The following AFDN variants were observed in gnomAD, a reference collection of about 807,000 sequenced individuals.
AFDN encodes afadin.
AFDN carries 68 observed loss-of-function variants against 216.6 expected under a neutral mutation model. The ratio of observed to expected loss-of-function variants is 0.31; its 90% CI spans 0.26 to 0.38. AFDN has a LOEUF of 0.38. Ranked by LOEUF, AFDN falls within the 10% of genes least tolerant of loss-of-function variation. The pLI is 1.00. For synonymous variants in AFDN, 868 were observed against 853.7 expected (o/e 1.02, Z -0.29); for missense variants, 2,136 against 2,342.0 (o/e 0.91, Z 1.82).
chr6:167,969,653 A>G (rs1250758373), intron 33 of AFDN, 129 bp from the exon 34 acceptor site: 2 of 851,260 alleles, frequency 2.3e-6, no homozygotes, highest in Non-Finnish European at 3.5e-6. Context: ...TTCGATTATA[A>G]GAAAGGTTAT....
intron 23 of AFDN, among the ~76,000 whole-genome samples, chr6:167,928,484 TGAG>T (rs2128537630): frequency 6.6e-6 from 1 of 152,352 alleles, no homozygotes; most frequent in African/African-American, 2.4e-5. Flanking sequence ...GATGCCCAGA[TGAG>T]GAGAATCCTC....
intron 1 of AFDN, chr6:167,827,833 G>C (rs898827054): frequency 1.3e-5 from 2 of 152,218 alleles, no homozygotes; most frequent in Non-Finnish European, 2.9e-5. Context: ...CTTCGGGGCC[G>C]CGAGGAAGGG....
chr6:167,951,481 C>G lies in AFDN; in HGVS notation c.4127C>G (p.Pro1376Arg). Residue 1376 changes from proline to arginine, a missense_variant, in exon 30 of 34, where the codon CCG becomes CGG. By Grantham distance (103) the Pro-to-Arg change is moderately radical. Transcript: ENST00000683244. This position sits in a 1 kb window ranked among gnomAD's most constrained non-coding sequence, Gnocchi z 7.1. ...CGAACAGACCTGCCTCCGCCACCCC[C>G]GCCACCTCCAGTCCACTATGCCGGT... ...PIRTDLPPPP[P>R]PPPVHYAGDF... 1 of 1,614,102 alleles carries G rather than the reference C, an allele frequency of 6.2e-7. No individual in the cohort carries two copies. The highest frequency in any genetic ancestry group is 2.2e-5 in the East Asian group (1 of 44,870).
At chr6:167,913,300 T>C in intron 15 of AFDN, 103 bp from the exon 16 acceptor site, 2 of 1,105,332 alleles carry the variant, frequency 1.8e-6, no homozygotes, top group Non-Finnish European at 2.6e-6. Flanking sequence ...TACCTTCATG[T>C]CGTACCTTCA....
intron 31 of AFDN, chr6:167,965,175 T>G (rs1797416769): frequency 1.5e-6 from 1 of 675,532 alleles, no homozygotes; most frequent in Admixed American, 6.1e-5. Context: ...ATTTCTGGTT[T>G]CCTGTTAATC....
chr6:167,898,580 A>T (rs919716433), intron 11 of AFDN, 113 bp downstream of exon 11: 25 of 1,239,206 alleles, frequency 2.0e-5, no homozygotes, highest in African/African-American at 3.0e-5. Context: ...AAAAATATCA[A>T]AGTGAAGTTT....
At chr6:167,913,535 C>T in intron 16 of AFDN, 112 bp downstream of exon 16, 4 of 954,062 alleles carry the variant, frequency 4.2e-6, no homozygotes, top group Admixed American at 4.5e-5. Context: ...TCATAACACT[C>T]ATTCAGCAAC....
rs534404165 is a variant in AFDN, at chr6:167,895,322, A to T, written c.1222+1416A>T. The stretch of plus-strand genomic sequence containing the variant: ...GGTTAAAACACACAAAATAGTAAAC[A>T]TTACTGGAGGATTTGGACTCAGCAG... On this transcript the variant is annotated intron_variant, in intron 9 of 33. Coordinates refer to ENST00000683244, the MANE Select transcript of AFDN (RefSeq NM_001386888.1). Among the ~76,000 whole-genome samples the T allele has an allele frequency of 2.6e-5, 4 of 152,284 alleles. No individual in the cohort carries two copies. In the South Asian group the frequency reaches 6.2e-4, roughly 24 times the overall value.
intron 14 of AFDN, 33 bp from the exon 15 acceptor site, chr6:167,911,251 C>T (rs561322940): frequency 3.1e-6 from 5 of 1,602,768 alleles, no homozygotes; most frequent in Admixed American, 3.4e-5. Flanking sequence ...ATTCTTTTTT[C>T]CTTTTTTCTT....
chr6:167,856,631 A>G (rs927576588), intron 1 of AFDN, among the ~76,000 whole-genome samples: 2 of 152,108 alleles, frequency 1.3e-5, no homozygotes, highest in African/African-American at 2.4e-5. Flanking sequence ...TACTGATGAA[A>G]TATGTAGTTC....
At chr6:167,912,988 TATTA>T (rs1790596663) in intron 15 of AFDN, among the ~76,000 whole-genome samples, 1 of 152,212 alleles carries the variant, frequency 6.6e-6, no homozygotes, top group African/African-American at 2.4e-5. Flanking sequence ...CTTCCATTCC[TATTA>T]ATTAATCTAG....
chr6:167,962,466 T>G lies in AFDN; in HGVS notation c.4867T>G (p.Leu1623Val). ...CGAGGAGCGGAGGCGGCAGCAGCAG[T>G]TAGAAGAGATGCGCAAGCGGGAAGC... ...QDEERRRQQQ[L>V]EEMRKREAED... is the part of the protein sequence containing the mutation. Residue 1623 changes from leucine (L) to valine (V), a missense_variant, in exon 31 of 34, where the codon TTA (leucine) becomes GTA (valine). Physicochemically the swap from Leu to Val is conservative, Grantham distance 32. Coordinates refer to ENST00000683244, the MANE Select transcript of AFDN (RefSeq NM_001386888.1). The surrounding 1 kb of genome is among the most constrained non-coding windows in gnomAD (Gnocchi z 5.2). 1.2e-6 allele frequency: 2 copies of G among 1,613,428 alleles called. No individual in the cohort carries two copies. Among genetic ancestry groups the G allele is most frequent in the African/African-American group, 2.7e-5 (2 of 74,942 alleles).
chr6:167,864,485 A>G (rs111403789), intron 1 of AFDN, 66 bp from the exon 2 acceptor site: 1 of 1,420,746 alleles, frequency 7.0e-7, no homozygotes, highest in Non-Finnish European at 9.9e-7. Flanking sequence ...CTCATTTATT[A>G]TTACAAAAAG....
At chr6:167,966,313 G>T in intron 32 of AFDN, 3 of 1,419,972 alleles carry the variant, frequency 2.1e-6, no homozygotes, top group Non-Finnish European at 2.8e-6. Flanking sequence ...TTGTCTTAAT[G>T]ATTGGAACCT....
At chr6:167,872,573 G>A (rs934555161) in intron 4 of AFDN, among the ~76,000 whole-genome samples, 196 bp downstream of exon 4, 25 of 152,212 alleles carry the variant, frequency 1.6e-4, no homozygotes, top group Non-Finnish European at 3.7e-4. Context: ...ATTGCTGGCA[G>A]TGCCTGTCTT....
chr6:167,889,426 T>TAA lies in AFDN; in HGVS notation c.1009+100_1009+101insAA. On this transcript the variant is annotated intron_variant, in intron 7 of 33. Transcript: ENST00000683244. ...GTAGGAGATGTGTACGTTAATGTTT[T>TAA]TGGATGGCCTTGTTGTTGTTGTTGT... 4 of 819,416 alleles carry TAA rather than the reference T, an allele frequency of 4.9e-6. No individual in the cohort carries two copies. In the East Asian group the frequency reaches 1.0e-4, roughly 21 times the overall value. 50.8% of individuals were successfully genotyped at this position (819,416 alleles called of 1,614,324 possible). A position where few individuals can be genotyped will look rare whatever the true frequency, so the allele number is the denominator to read the frequency against.
chr6:167,918,674 T>A, intron 20 of AFDN, 61 bp from the exon 21 acceptor site: 2 of 1,486,334 alleles, frequency 1.3e-6, no homozygotes, highest in South Asian at 2.3e-5. Context: ...TGAATAGTTG[T>A]TGGTCACATG....
At chr6:167,882,698 CA>C (rs1169738212) in intron 6 of AFDN, among the ~76,000 whole-genome samples, 1 of 151,990 alleles carries the variant, frequency 6.6e-6, no homozygotes, top group Non-Finnish European at 1.5e-5. Context: ...CGGAAGTTAT[CA>C]AGGAAATACT....
chr6:167,910,263 A>G (rs1790221428), intron 13 of AFDN, among the ~76,000 whole-genome samples: 1 of 152,232 alleles, frequency 6.6e-6, no homozygotes, highest in Non-Finnish European at 1.5e-5. Flanking sequence ...TGTGTATTCA[A>G]CTGAAAGAGT....
Sources: gnomAD v4.1 joint callset for allele counts (sites outside exome capture counted in the v4.1 genomes callset) on GRCh38, gnomAD v4.1.1 for gene constraint, Gnocchi (gnomAD v3.1) non-coding constraint, MANE v1.5 for transcripts, NCBI Gene and HGNC (gene_info 2026-07-23, HGNC 2026-07-21) for gene names.